MTHFD1L: variants seen among roughly 807,000 people sequenced by gnomAD.
MTHFD1L encodes the protein methylenetetrahydrofolate dehydrogenase (NADP+ dependent) 1 like.
Under a neutral mutation model 119.5 loss-of-function variants are expected in MTHFD1L, and 81 were observed. The ratio of observed to expected loss-of-function variants is 0.68; its 90% CI spans 0.57 to 0.82. MTHFD1L has a LOEUF of 0.82. Among genes scored for constraint, MTHFD1L ranks in the 40% least tolerant of loss-of-function variants. The pLI is 0.00. For synonymous variants in MTHFD1L, 430 were observed against 475.2 expected (o/e 0.90, Z 1.24); for missense variants, 1,125 against 1,253.4 (o/e 0.90, Z 1.55).
intron 1 of MTHFD1L, among the ~76,000 whole-genome samples, chr6:150,870,965 T>A (rs888213887): frequency 6.9e-6 from 1 of 145,070 alleles, no homozygotes; most frequent in Admixed American, 7.0e-5. Context: ...ATATATATTA[T>A]ATATATAAAA....
chr6:150,870,529 A>C (rs1023246610), intron 1 of MTHFD1L, among the ~76,000 whole-genome samples: 2 of 152,148 alleles, frequency 1.3e-5, no homozygotes, highest in African/African-American at 4.8e-5. Context: ...CGAGTCACAC[A>C]AATTTTGTAG....
At chr6:150,993,178 G>A (rs1231609158) in intron 20 of MTHFD1L, among the ~76,000 whole-genome samples, 22 of 152,092 alleles carry the variant, frequency 1.4e-4, no homozygotes, top group Non-Finnish European at 8.8e-5. Context: ...TTCAGGGACA[G>A]GCAACAATTT....
chr6:151,018,412 G>A (rs941664699), intron 24 of MTHFD1L, among the ~76,000 whole-genome samples: 6 of 152,186 alleles, frequency 3.9e-5, no homozygotes, highest in Non-Finnish European at 8.8e-5. Flanking sequence ...TCGCTTTTAA[G>A]GAGTTGTTTG....
At chr6:150,867,207 T>G (rs564771163) in intron 1 of MTHFD1L, among the ~76,000 whole-genome samples, 1 of 152,322 alleles carries the variant, frequency 6.6e-6, no homozygotes, top group South Asian at 2.1e-4. Flanking sequence ...TCTTTTTCTT[T>G]TAGAAATGGA....
chr6:150,998,834 A>C (rs936950390), intron 20 of MTHFD1L, among the ~76,000 whole-genome samples: 1 of 150,674 alleles, frequency 6.6e-6, no homozygotes, highest in East Asian at 2.0e-4. Flanking sequence ...AAAAAAAAAA[A>C]AAAACATTAG....
intron 7 of MTHFD1L, among the ~76,000 whole-genome samples, chr6:150,900,938 C>G (rs1785002709): frequency 6.6e-6 from 1 of 151,880 alleles, no homozygotes; most frequent in Non-Finnish European, 1.5e-5. Context: ...TGGCATGAAC[C>G]CAGGAGGCGG....
chr6:150,919,598 C>T (rs1788557324), intron 9 of MTHFD1L, among the ~76,000 whole-genome samples: 1 of 152,148 alleles, frequency 6.6e-6, no homozygotes, highest in Non-Finnish European at 1.5e-5. Context: ...CACCAAGCTT[C>T]CAAGAATGGC....
At chr6:151,066,995 A>ATTTTTTTTT (rs36035374) in intron 26 of MTHFD1L, among the ~76,000 whole-genome samples, 1 of 138,550 alleles carries the variant, frequency 7.2e-6, no homozygotes, top group African/African-American at 2.7e-5. Context: ...TATCAATTTG[A>ATTTTTTTTT]TTTTTTTTTT....
At position 151,012,019 on chromosome 6, in the gene MTHFD1L, C is replaced by CAAAAA. The variant is rs1043831602; in HGVS notation, c.2266-1732_2266-1728dup. Among the ~76,000 whole-genome samples the CAAAAA allele has an allele frequency of 1.1e-3, 63 of 58,812 alleles. 2 individuals carry two copies. The highest frequency in any genetic ancestry group is 2.6e-3 in the African/African-American group (45 of 17,378). 38.6% of individuals were successfully genotyped at this position (58,812 alleles called of 152,430 possible). A position where few individuals can be genotyped will look rare whatever the true frequency, so the allele number is the denominator to read the frequency against. On this transcript the variant is annotated intron_variant, in intron 21 of 27. Coordinates refer to ENST00000367321, the MANE Select transcript of MTHFD1L (RefSeq NM_015440.5). ...TCCATCTCAACAACAACAACAACAA[C>CAAAAA]AAAAAAAAAAAAAAAAAAAAAAAAA...
rs574017821 is a variant in MTHFD1L, at chr6:150,990,250, G to A, written c.2125+18192G>A. On this transcript the variant is annotated intron_variant, in intron 20 of 27. Coordinates refer to ENST00000367321, the MANE Select transcript of MTHFD1L (RefSeq NM_015440.5). Reference sequence around the variant, plus strand: ...GCCTAGATTGTACCACTGCACTCCAGCCCGGCGACGGAGTGAGATTCTGTC... The same window carrying A: ...GCCTAGATTGTACCACTGCACTCCAACCCGGCGACGGAGTGAGATTCTGTC... Among the ~76,000 whole-genome samples the A allele has an allele frequency of 3.4e-4, 52 of 151,400 alleles. 1 individual carries two copies. The highest frequency in any genetic ancestry group is 1.1e-3 in the African/African-American group (47 of 41,288).
At chr6:150,938,835 C>A in intron 13 of MTHFD1L, 90 bp downstream of exon 13, 2 of 1,452,722 alleles carry the variant, frequency 1.4e-6, no homozygotes, top group Non-Finnish European at 1.9e-6. Context: ...CCCACAGACC[C>A]TCATCCATAA....
chr6:151,091,767 A>G (rs1317276670), intron 26 of MTHFD1L, among the ~76,000 whole-genome samples: 1 of 152,178 alleles, frequency 6.6e-6, no homozygotes, highest in Non-Finnish European at 1.5e-5. Context: ...TGAAATGAGT[A>G]ATTTGAGATT....
At chr6:151,034,434 T>A (rs914425577) in intron 24 of MTHFD1L, 59 bp from the exon 25 acceptor site, 4 of 1,239,458 alleles carry the variant, frequency 3.2e-6, no homozygotes, top group Non-Finnish European at 4.7e-6. Context: ...CTAAAGTTTT[T>A]AAAAAATCTT....
At chr6:151,044,447 G>A (rs1041706968) in intron 26 of MTHFD1L, among the ~76,000 whole-genome samples, 10 of 151,754 alleles carry the variant, frequency 6.6e-5, no homozygotes, top group African/African-American at 9.7e-5. Flanking sequence ...GATTACAGGT[G>A]GCCGCCACTA....
At chr6:150,869,152 A>G (rs944350292) in intron 1 of MTHFD1L, among the ~76,000 whole-genome samples, 15 of 152,316 alleles carry the variant, frequency 9.8e-5, no homozygotes, top group African/African-American at 3.6e-4. Flanking sequence ...TAGGGTAACC[A>G]TAACTTTTAT....
In MTHFD1L at chr6:150,885,668, G is replaced by A; in HGVS notation, c.577G>A (p.Gly193Arg). The A allele has an allele frequency of 6.2e-7, 1 of 1,614,044 alleles. No homozygotes were observed. The highest frequency in any genetic ancestry group is 8.5e-7 in the Non-Finnish European group (1 of 1,179,962). The change falls in exon 6 of 28, where the codon GGG becomes AGG. Residue 193 changes from glycine to arginine, a missense_variant. Gly to Arg is a moderately radical substitution (Grantham distance 125). Transcript: ENST00000367321. ...TDINLGKLVR[G>R]DAHECFVSPV... ...CATAAACCTGGGGAAGCTGGTGCGA[G>A]GGGATGCCCATGAATGTTTTGTTTC...
intron 26 of MTHFD1L, among the ~76,000 whole-genome samples, chr6:151,077,523 G>A (rs1348462732): frequency 6.6e-6 from 1 of 152,012 alleles, no homozygotes; most frequent in African/African-American, 2.4e-5. Flanking sequence ...CCAGCAAGGG[G>A]GATGGTTTTT....
intron 24 of MTHFD1L, among the ~76,000 whole-genome samples, chr6:151,025,220 C>G (rs988249432): frequency 9.2e-5 from 14 of 152,260 alleles, no homozygotes; most frequent in African/African-American, 2.7e-4. Flanking sequence ...TTGCTCAGGG[C>G]CCGCGAGCCC....
chr6:150,938,669 G>T, intron 12 of MTHFD1L, 30 bp from the exon 13 acceptor site: 1 of 1,601,974 alleles, frequency 6.2e-7, no homozygotes, highest in Non-Finnish European at 8.5e-7. Flanking sequence ...TTGGTGACCC[G>T]TTTGAAATGC....
Sources: gnomAD v4.1 joint callset for allele counts (sites outside exome capture counted in the v4.1 genomes callset) on GRCh38, gnomAD v4.1.1 for gene constraint, MANE v1.5 for transcripts, NCBI Gene and HGNC (gene_info 2026-07-23, HGNC 2026-07-21) for gene names.